The following PCDH17 variants were observed in gnomAD, a reference collection of about 807,000 sequenced individuals.
PCDH17 encodes the protein protocadherin-17.
A neutral mutation model predicts 67.7 loss-of-function variants in PCDH17; 21 were observed. The ratio of observed to expected loss-of-function variants is 0.31; its 90% confidence interval spans 0.22 to 0.45. The LOEUF (loss-of-function observed/expected upper bound fraction) is 0.45, where lower values mean the gene tolerates loss of function less well. Ranked by LOEUF, PCDH17 falls within the 20% of genes least tolerant of loss-of-function variation. The pLI, the probability that PCDH17 is intolerant of heterozygous loss-of-function variation, is 1.00. For missense variants in PCDH17, 1,471 were observed against 1,564.8 expected (o/e 0.94, Z 1.01); for synonymous variants, 701 against 656.7 (o/e 1.07, Z -1.03).
At chr13:57,662,859 T>C (rs1490026437) in intron 1 of PCDH17, among the ~76,000 whole-genome samples, 1 of 152,178 alleles carries the variant, frequency 6.6e-6, no homozygotes, top group African/African-American at 2.4e-5. Flanking sequence ...CCACTCTGTT[T>C]GCTTGCTTGC....
At chr13:57,672,322 C>T (rs949811728) in intron 3 of PCDH17, among the ~76,000 whole-genome samples, 3 of 151,832 alleles carry the variant, frequency 2.0e-5, no homozygotes, top group African/African-American at 7.3e-5. Context: ...TCAAAATAGG[C>T]TTAGGCTAGT....
intron 3 of PCDH17, among the ~76,000 whole-genome samples, chr13:57,705,786 C>G (rs541211950): frequency 3.3e-5 from 5 of 152,100 alleles, no homozygotes; most frequent in Middle Eastern, 3.4e-3. Flanking sequence ...GAGGCCGAGG[C>G]GGGTGGATCA....
At chr13:57,636,527 CACT>C (rs1954825456) in intron 1 of PCDH17, among the ~76,000 whole-genome samples, 1 of 152,070 alleles carries the variant, frequency 6.6e-6, no homozygotes, top group African/African-American at 2.4e-5. Context: ...TCACACTTGA[CACT>C]ACTAAATATT....
chr13:57,690,665 T>C (rs1409411598), intron 3 of PCDH17, among the ~76,000 whole-genome samples: 2 of 151,670 alleles, frequency 1.3e-5, no homozygotes, highest in African/African-American at 2.4e-5. Context: ...ATTTAATGTA[T>C]ACTTATGATG....
At chr13:57,712,313 A>G (rs1955783807) in intron 3 of PCDH17, among the ~76,000 whole-genome samples, 1 of 151,656 alleles carries the variant, frequency 6.6e-6, no homozygotes, top group Admixed American at 6.6e-5. Context: ...TTCTCCTTTC[A>G]GCAGAGACGT....
intron 3 of PCDH17, among the ~76,000 whole-genome samples, chr13:57,700,736 T>A (rs1955655410): frequency 6.6e-6 from 1 of 152,144 alleles, no homozygotes; most frequent in African/African-American, 2.4e-5. Flanking sequence ...GTAAATATAT[T>A]AATGTGACTG....
At chr13:57,707,421 C>T (rs1216403135) in intron 3 of PCDH17, among the ~76,000 whole-genome samples, 4 of 150,870 alleles carry the variant, frequency 2.7e-5, no homozygotes, top group Non-Finnish European at 5.9e-5. Flanking sequence ...CTTTCTGAGC[C>T]CCCAGCAGAA....
At chr13:57,668,706 T>G (rs960414641) in intron 3 of PCDH17, among the ~76,000 whole-genome samples, 3 of 152,062 alleles carry the variant, frequency 2.0e-5, no homozygotes, top group Non-Finnish European at 4.4e-5. Context: ...AGGAAATAAT[T>G]GCTAGTCTAA....
At chr13:57,651,054 G>A (rs1390958781) in intron 1 of PCDH17, among the ~76,000 whole-genome samples, 1 of 152,008 alleles carries the variant, frequency 6.6e-6, no homozygotes, top group East Asian at 1.9e-4. Context: ...ATATGAAAGA[G>A]GATGGTCTTA....
chr13:57,690,689 T>C (rs1279115544), intron 3 of PCDH17, among the ~76,000 whole-genome samples: 1 of 151,596 alleles, frequency 6.6e-6, no homozygotes, highest in African/African-American at 2.4e-5. Context: ...GAATACAACT[T>C]CTCAATAAAA....
At chr13:57,722,377 T>C (rs1955878444) in intron 3 of PCDH17, among the ~76,000 whole-genome samples, 1 of 152,196 alleles carries the variant, frequency 6.6e-6, no homozygotes. Flanking sequence ...TTAAAAAATT[T>C]CATGATGCTA....
chr13:57,689,781 C>T (rs183618369), intron 3 of PCDH17, among the ~76,000 whole-genome samples: 180 of 151,900 alleles, frequency 1.2e-3, no homozygotes, highest in African/African-American at 4.2e-3. Context: ...TGTTCAACTC[C>T]GTATTCAGAA....
At chr13:57,704,047 T>C (rs537894672) in intron 3 of PCDH17, among the ~76,000 whole-genome samples, 1 of 152,166 alleles carries the variant, frequency 6.6e-6, no homozygotes, top group East Asian at 1.9e-4. Flanking sequence ...CAGAAAAAAA[T>C]TTAAGATAAG....
chr13:57,670,087 C>A (rs1955301546), intron 3 of PCDH17, among the ~76,000 whole-genome samples: 1 of 151,820 alleles, frequency 6.6e-6, no homozygotes, highest in African/African-American at 2.4e-5. Context: ...GTAGTGAAGG[C>A]AGTATAGAAA....
chr13:57,632,792 G>T lies in PCDH17; in HGVS notation c.246G>T (p.Gly82=), dbSNP rs752355297. ...TGCTGGACGTGGACGCAGACAGCGGGCTCCTCTACACCAAGCAGCGCATCG... is the reference window on the plus strand; with the variant it reads ...TGCTGGACGTGGACGCAGACAGCGGTCTCCTCTACACCAAGCAGCGCATCG... ...PHLLDVDADS[G]LLYTKQRIDR... Residue 82 remains glycine (G), a synonymous_variant, in exon 1 of 4, where the codon GGG becomes GGT. Coordinates refer to ENST00000377918, the MANE Select transcript of PCDH17 (RefSeq NM_001040429.3). 1 of 1,613,352 alleles carries T rather than the reference G, an allele frequency of 6.2e-7. No individual in the cohort carries two copies. The highest frequency in any genetic ancestry group is 1.7e-5 in the Admixed American group (1 of 59,988).
At chr13:57,697,774 A>AT (rs879888586) in intron 3 of PCDH17, among the ~76,000 whole-genome samples, 79 of 145,798 alleles carry the variant, frequency 5.4e-4, no homozygotes, top group Admixed American at 8.3e-4. Context: ...AACAAAAGTG[A>AT]TTTTTTTTTT....
chr13:57,679,360 CAAA>C (rs35349642), intron 3 of PCDH17, among the ~76,000 whole-genome samples: 7 of 144,400 alleles, frequency 4.8e-5, no homozygotes, highest in South Asian at 2.2e-4. Context: ...AGACTGAATA[CAAA>C]AAAAAAAAAG....
chr13:57,640,082 T>C (rs938329373), intron 1 of PCDH17, among the ~76,000 whole-genome samples: 2 of 151,968 alleles, frequency 1.3e-5, no homozygotes, highest in African/African-American at 4.8e-5. Context: ...AATACACATA[T>C]TTTAAGAGGA....
At chr13:57,708,312 G>A (rs1955739969) in intron 3 of PCDH17, among the ~76,000 whole-genome samples, 1 of 151,754 alleles carries the variant, frequency 6.6e-6, no homozygotes, top group African/African-American at 2.4e-5. Context: ...AAATGAGTTT[G>A]GTAACAAAGT....
Sources: allele counts gnomAD v4.1 joint callset (sites outside exome capture counted in the v4.1 genomes callset), GRCh38; gene constraint gnomAD v4.1.1; transcripts MANE v1.5; gene names NCBI Gene and HGNC (gene_info 2026-07-23, HGNC 2026-07-21).